Variants in USP50 observed in about 807,000 individuals in gnomAD.
The protein encoded by USP50 is ubiquitin specific peptidase 50, also known as ubiquitin carboxyl-terminal hydrolase 50.
In USP50, 37 loss-of-function variants were observed where a neutral mutation model predicts 39.2. The observed-to-expected ratio is 0.94, with a 90% CI of 0.73 to 1.24. The LOEUF (loss-of-function observed/expected upper bound fraction) is 1.24, where lower values mean the gene tolerates loss of function less well. Ranked by LOEUF, USP50 falls within the 50% of genes most tolerant of loss-of-function variation. The probability of loss-of-function intolerance (pLI) is 0.00; values close to 1 mark genes in which losing one functional copy is unlikely to be tolerated. For missense variants in USP50, 374 were observed against 398.2 expected, an observed-to-expected ratio of 0.94 and a Z score of 0.52; for synonymous variants, 139 against 144.5, an observed-to-expected ratio of 0.96 and a Z score of 0.27.
In USP50 at chr15:50,523,687, A is replaced by T. The variant is rs78861581; in HGVS notation, c.936+6110T>A. Among the ~76,000 whole-genome samples the T allele has an allele frequency of 2.6e-3, 400 of 152,320 alleles. 6 individuals are homozygous for T. Among genetic ancestry groups the T allele is most frequent in the African/African-American group, 9.0e-3 (375 of 41,580 alleles). On this transcript the variant is annotated intron_variant, in intron 6 of 6. Transcript: ENST00000532404. ...GTGTTCTTGGATTTGAAAAATTAAC[A>T]TTGCTAAAATGTCCATACTACGTAA... is the stretch of plus-strand genomic sequence containing the variant.
At chr15:50,527,646 T>TG (rs1183296067) in intron 6 of USP50, among the ~76,000 whole-genome samples, 1 of 76,338 alleles carries the variant, frequency 1.3e-5, no homozygotes, top group African/African-American at 3.7e-5. Flanking sequence ...TTATTGTTGT[T>TG]TTTTTTTTTT....
chr15:50,513,856 G>A (rs1220856009), intron 6 of USP50: 2 of 152,166 alleles, frequency 1.3e-5, no homozygotes, highest in Non-Finnish European at 2.9e-5. Context: ...GAAAGCTACT[G>A]AGCAGTATGT....
At chr15:50,505,151 AT>A (rs775949675) in intron 6 of USP50, 3 of 152,182 alleles carry the variant, frequency 2.0e-5, no homozygotes, top group Non-Finnish European at 4.4e-5. Context: ...GCAAGGCAAT[AT>A]TAAAAGTGAT....
At chr15:50,522,748 T>A (rs1385544238) in intron 6 of USP50, among the ~76,000 whole-genome samples, 28 of 152,068 alleles carry the variant, frequency 1.8e-4, no homozygotes, top group Admixed American at 1.8e-3. Context: ...TGGATTCAAG[T>A]GATTCTCCTG....
downstream of USP50, chr15:50,496,207 G>A (rs1349190450): frequency 2.2e-5 from 17 of 783,930 alleles, no homozygotes; most frequent in African/African-American, 1.2e-4. Flanking sequence ...TCGGCCGGGC[G>A]CAGTGGCTCA....
downstream of USP50, chr15:50,499,023 T>C: frequency 6.2e-7 from 1 of 1,613,956 alleles, no homozygotes; most frequent in Non-Finnish European, 8.5e-7. Context: ...TTCTGTGAAA[T>C]CTTCAGCAGC....
downstream of USP50, among the ~76,000 whole-genome samples, chr15:50,496,495 A>AC (rs962452342): frequency 3.3e-5 from 5 of 151,956 alleles, no homozygotes; most frequent in African/African-American, 1.2e-4. Context: ...AAAAAAAAAA[A>AC]AAAAACCTTT....
downstream of USP50, chr15:50,498,558 T>G (rs1277557614): frequency 1.3e-6 from 2 of 1,557,216 alleles, no homozygotes; most frequent in Non-Finnish European, 1.7e-6. Context: ...TCCTGGTATC[T>G]TCCTCTGTCA....
chr15:50,523,595 G>C (rs1262619610), intron 6 of USP50, among the ~76,000 whole-genome samples: 1 of 152,146 alleles, frequency 6.6e-6, no homozygotes, highest in Non-Finnish European at 1.5e-5. Context: ...GGAGGTGAAA[G>C]ATACTGAAGA....
chr15:50,494,487 G>T (rs2052296697), intron 1 of USP50, among the ~76,000 whole-genome samples: 1 of 152,176 alleles, frequency 6.6e-6, no homozygotes, highest in South Asian at 2.1e-4. Context: ...AAGCAGTATT[G>T]CTGAGAAATT....
At chr15:50,543,459 G>C in intron 3 of USP50, 139 bp downstream of exon 3, 1 of 748,422 alleles carries the variant, frequency 1.3e-6, no homozygotes, top group Non-Finnish European at 2.2e-6. Context: ...ATACTAACTT[G>C]GATGTTCTCC....
At chr15:50,535,803 C>A (rs1370806793) in intron 5 of USP50, among the ~76,000 whole-genome samples, 1 of 152,044 alleles carries the variant, frequency 6.6e-6, no homozygotes, top group Non-Finnish European at 1.5e-5. Context: ...ACCTTTATCC[C>A]AGGTATGCAA....
chr15:50,537,565 T>G (rs2052989323), intron 5 of USP50, among the ~76,000 whole-genome samples: 1 of 150,176 alleles, frequency 6.7e-6, no homozygotes, highest in East Asian at 1.9e-4. Flanking sequence ...ATTGAAAATA[T>G]ACAAGAAACT....
At chr15:50,544,450 C>T (rs780948299) in intron 2 of USP50, 137 bp downstream of exon 2, 9 of 684,304 alleles carry the variant, frequency 1.3e-5, no homozygotes, top group African/African-American at 3.7e-5. Flanking sequence ...CTTACTCTAG[C>T]GTGTTATCTG....
downstream of USP50, chr15:50,496,117 T>C (rs2052390875): frequency 6.6e-7 from 1 of 1,521,168 alleles, no homozygotes; most frequent in African/African-American, 1.4e-5. Context: ...AAATGATTTA[T>C]TGGATAAAAA....
intron 5 of USP50, among the ~76,000 whole-genome samples, chr15:50,532,413 G>A (rs1482152652): frequency 2.0e-5 from 3 of 152,088 alleles, no homozygotes; most frequent in Non-Finnish European, 4.4e-5. Context: ...CCACCGAAGC[G>A]GGTGTGGAGG....
intron 6 of USP50, chr15:50,504,828 AAAAATT>A (rs2052636132): frequency 6.6e-6 from 1 of 151,926 alleles, no homozygotes; most frequent in Non-Finnish European, 1.5e-5. Flanking sequence ...AAAAAACAAA[AAAAATT>A]AGCTGGGCCT....
downstream of USP50, chr15:50,498,547 A>G (rs757553699): frequency 2.0e-6 from 3 of 1,537,740 alleles, no homozygotes; most frequent in South Asian, 3.8e-5. Context: ...ATGAGGATTC[A>G]TCCTGGTATC....
downstream of USP50, chr15:50,499,678 G>A (rs2052542665): frequency 6.6e-6 from 1 of 151,306 alleles, no homozygotes; most frequent in African/African-American, 2.4e-5. Context: ...CTGTATTTGT[G>A]CACTAAATCT....
Sources: allele counts gnomAD v4.1 joint callset (sites outside exome capture counted in the v4.1 genomes callset), GRCh38; gene constraint gnomAD v4.1.1; transcripts MANE v1.5; gene names NCBI Gene and HGNC (gene_info 2026-07-23, HGNC 2026-07-21).